Variants in RASSF3 observed in about 807,000 individuals in gnomAD.
The protein encoded by RASSF3 is ras association domain-containing protein 3.
RASSF3 carries 19 observed loss-of-function variants against 19.9 expected under a neutral mutation model. That is an observed-to-expected ratio of 0.96 (90% confidence interval 0.67 to 1.40). The LOEUF is 1.40. Ranked by LOEUF, RASSF3 falls within the 40% of genes most tolerant of loss-of-function variation. The pLI is 0.00. For missense variants in RASSF3, 306 were observed against 289.8 expected, an observed-to-expected ratio of 1.06 and a Z score of -0.41; for synonymous variants, 110 against 104.2, an observed-to-expected ratio of 1.06 and a Z score of -0.34.
chr12:64,527,179 A>G (rs527869285), intron 1 of RASSF3, among the ~76,000 whole-genome samples: 1 of 152,302 alleles, frequency 6.6e-6, no homozygotes, highest in South Asian at 2.1e-4. Context: ...GCAGAATCCT[A>G]TCATTGAGTC....
At position 64,527,366 on chromosome 12, in the gene RASSF3, T is replaced by C. The variant is rs1008967913; in HGVS notation, c.170-14215T>C. On this transcript the variant is annotated intron_variant, in intron 1 of 5. Coordinates refer to the RASSF3 transcript ENST00000637125. ...AAACAGAAGATAACGACAGTACCTATTCCTTGGGGATGTTTTAAGAATTAA... is the reference window on the plus strand; with the variant it reads ...AAACAGAAGATAACGACAGTACCTACTCCTTGGGGATGTTTTAAGAATTAA... Among the ~76,000 whole-genome samples, 41 of 152,208 alleles carry C rather than the reference T, an allele frequency of 2.7e-4. 1 individual carries two copies. Among genetic ancestry groups the C allele is most frequent in the Admixed American group, 2.6e-3 (40 of 15,272 alleles).
chr12:64,686,736 A>T (rs995748679), intron 2 of RASSF3, among the ~76,000 whole-genome samples: 1 of 152,286 alleles, frequency 6.6e-6, no homozygotes, highest in Middle Eastern at 3.4e-3. Context: ...CTGAGGCAGG[A>T]GGATCACTTG....
chr12:64,537,419 T>C (rs1044489763), intron 1 of RASSF3, among the ~76,000 whole-genome samples: 3 of 152,174 alleles, frequency 2.0e-5, no homozygotes, highest in African/African-American at 7.2e-5. Context: ...GAGGTAGAGA[T>C]AGAATTCAAA....
At chr12:64,658,771 A>T (rs1240510036) in intron 1 of RASSF3, among the ~76,000 whole-genome samples, 1 of 152,134 alleles carries the variant, frequency 6.6e-6, no homozygotes, top group African/African-American at 2.4e-5. Context: ...TCTATCTCAA[A>T]AAGAAGAATG....
At chr12:64,688,072 G>A (rs1185857527) in intron 2 of RASSF3, 144 bp from the exon 3 acceptor site, 1 of 715,708 alleles carries the variant, frequency 1.4e-6, no homozygotes. Context: ...ATTCCTTTGG[G>A]GGCAATCTTT....
At chr12:64,656,442 A>G (rs920959407) in intron 1 of RASSF3, among the ~76,000 whole-genome samples, 1 of 152,184 alleles carries the variant, frequency 6.6e-6, no homozygotes, top group Non-Finnish European at 1.5e-5. Context: ...TATGTGAGTT[A>G]TATCTCAGTG....
chr12:64,617,039 T>G (rs968055806), intron 1 of RASSF3, among the ~76,000 whole-genome samples: 1 of 152,246 alleles, frequency 6.6e-6, no homozygotes, highest in Non-Finnish European at 1.5e-5. Context: ...ATAATATAAA[T>G]GCTTGGCACT....
At chr12:64,534,989 C>T (rs529756282) in intron 1 of RASSF3, among the ~76,000 whole-genome samples, 120 of 151,978 alleles carry the variant, frequency 7.9e-4, no homozygotes, top group African/African-American at 2.8e-3. Flanking sequence ...TGACGTACAC[C>T]GTCATTTTAT....
chr12:64,681,834 C>G (rs1406821528), intron 1 of RASSF3, among the ~76,000 whole-genome samples: 1 of 152,054 alleles, frequency 6.6e-6, no homozygotes, highest in African/African-American at 2.4e-5. Flanking sequence ...GCAACATAGC[C>G]AGACGTCATC....
At chr12:64,553,940 G>A (rs1166802004) in intron 2 of RASSF3, among the ~76,000 whole-genome samples, 1 of 145,232 alleles carries the variant, frequency 6.9e-6, no homozygotes, top group Admixed American at 7.0e-5. Flanking sequence ...TTACGCTACT[G>A]CATTCCAGCC....
intron 1 of RASSF3, among the ~76,000 whole-genome samples, chr12:64,524,951 G>T (rs1868554459): frequency 6.6e-6 from 1 of 152,066 alleles, no homozygotes; most frequent in African/African-American, 2.4e-5. Context: ...TCTTTCATTT[G>T]CTCATCAAAC....
intron 1 of RASSF3, among the ~76,000 whole-genome samples, chr12:64,679,833 T>G (rs891190730): frequency 1.3e-5 from 2 of 152,146 alleles, no homozygotes; most frequent in African/African-American, 4.8e-5. Flanking sequence ...AAAAGATGAC[T>G]TGTAACTCAC....
At chr12:64,650,652 T>C (rs2136190329) in intron 1 of RASSF3, among the ~76,000 whole-genome samples, 1 of 152,166 alleles carries the variant, frequency 6.6e-6, no homozygotes, top group South Asian at 2.1e-4. Context: ...CCTGACCTTG[T>C]GATCTGCCCG....
chr12:64,576,594 G>C (rs1382600970), intron 2 of RASSF3, among the ~76,000 whole-genome samples: 1 of 152,148 alleles, frequency 6.6e-6, no homozygotes, highest in Non-Finnish European at 1.5e-5. Context: ...ACCTGTTTTT[G>C]TTATCCCAGC....
intron 1 of RASSF3, among the ~76,000 whole-genome samples, chr12:64,523,786 C>A (rs1379644024): frequency 6.7e-6 from 1 of 149,684 alleles, no homozygotes; most frequent in African/African-American, 2.5e-5. Flanking sequence ...CAGTGCCTTG[C>A]GGCCTCACAT....
At chr12:64,577,294 C>A (rs1869611019) in intron 2 of RASSF3, among the ~76,000 whole-genome samples, 1 of 152,232 alleles carries the variant, frequency 6.6e-6, no homozygotes, top group Non-Finnish European at 1.5e-5. Flanking sequence ...AAGCTTTCCC[C>A]ATCTTTGAGG....
chr12:64,690,854 TA>T lies in RASSF3; in HGVS notation c.458-608del, dbSNP rs201498275. On this transcript the variant is annotated intron_variant, in intron 3 of 4. Transcript: ENST00000542104. ...CTTATCTTGCCTTTTTTTTTTCATT[TA>T]AAAAAAATTTTATTTATTTTTTGAG... 7.0e-3 allele frequency among the ~76,000 whole-genome samples: 1,068 copies of T among 151,678 alleles called. 19 individuals are homozygous for T. The highest frequency in any genetic ancestry group is 6.8e-3 in the Non-Finnish European group (464 of 67,896).
intron 1 of RASSF3, among the ~76,000 whole-genome samples, chr12:64,535,316 T>TA (rs112767038): frequency 0.34 from 49,536 of 146,250 alleles, 9,851 homozygotes; most frequent in East Asian, 0.66. Flanking sequence ...ACTCTGTCTC[T>TA]AAAAAAAAAA....
At chr12:64,655,753 G>A (rs2136194241) in intron 1 of RASSF3, among the ~76,000 whole-genome samples, 2 of 152,234 alleles carry the variant, frequency 1.3e-5, no homozygotes, top group East Asian at 1.9e-4. Flanking sequence ...TGGGCCGGGT[G>A]CAGTAGCTCA....
Sources: allele counts gnomAD v4.1 joint callset (sites outside exome capture counted in the v4.1 genomes callset), GRCh38; gene constraint gnomAD v4.1.1; transcripts MANE v1.5; gene names NCBI Gene and HGNC (gene_info 2026-07-23, HGNC 2026-07-21).